The following SEC14L1 variants were observed in gnomAD, a reference collection of about 807,000 sequenced individuals.
SEC14L1 encodes the protein SEC14-like protein 1.
A neutral mutation model predicts 85.3 loss-of-function variants in SEC14L1; 48 were observed. That is an observed-to-expected ratio of 0.56 (90% CI 0.45 to 0.72). SEC14L1 has a LOEUF of 0.72. Among genes scored for constraint, SEC14L1 ranks in the 30% least tolerant of loss-of-function variants. The pLI, the probability that SEC14L1 is intolerant of heterozygous loss-of-function variation, is 0.00. For missense variants in SEC14L1, 682 were observed against 921.4 expected, an observed-to-expected ratio of 0.74 and a Z score of 3.36; for synonymous variants, 391 against 355.5, an observed-to-expected ratio of 1.10 and a Z score of -1.12.
At chr17:77,162,010 C>T (rs955740623) in intron 3 of SEC14L1, among the ~76,000 whole-genome samples, 1 of 151,510 alleles carries the variant, frequency 6.6e-6, no homozygotes, top group African/African-American at 2.4e-5. Flanking sequence ...TGCTCTGCTA[C>T]ATACAAATCC....
chr17:77,182,631 G>A lies in SEC14L1; in HGVS notation c.64-8172G>A, dbSNP rs540072275. 6.6e-5 allele frequency among the ~76,000 whole-genome samples: 10 copies of A among 152,040 alleles called. 1 individual carries two copies. Among genetic ancestry groups the A allele is most frequent in the Admixed American group, 4.6e-4 (7 of 15,274 alleles). On this transcript the variant is annotated intron_variant, in intron 3 of 16. Coordinates refer to ENST00000436233, the MANE Select transcript of SEC14L1 (RefSeq NM_001143998.2). Reference sequence around the variant, plus strand: ...ACTTACTTCTGGGAGAGTTCATTTCGTCCAGCCTTTCTTGACTGTGTGTTT... The same window carrying A: ...ACTTACTTCTGGGAGAGTTCATTTCATCCAGCCTTTCTTGACTGTGTGTTT...
rs376678106 is a variant in SEC14L1 at position 77,190,966 on chromosome 17, A to G, written c.213+14A>G. On this transcript the variant is annotated intron_variant, in intron 4 of 16. Coordinates refer to ENST00000436233, the MANE Select transcript of SEC14L1 (RefSeq NM_001143998.2). ...CTGCTGAAGAAGGTAAAGGTCGGAA[A>G]GGACGTCTTGGAGGGAAAGGGCGTC... 46 of 1,613,322 alleles carry G rather than the reference A, an allele frequency of 2.9e-5. No individual in the cohort carries two copies. The highest frequency in any genetic ancestry group is 3.6e-5 in the Non-Finnish European group (43 of 1,179,580).
At chr17:77,107,805 G>T (rs1342447058) in intron 3 of SEC14L1, among the ~76,000 whole-genome samples, 3 of 152,224 alleles carry the variant, frequency 2.0e-5, no homozygotes, top group Non-Finnish European at 4.4e-5. Context: ...TTTACTTGGA[G>T]CTTGCTGACA....
Position 77,214,506 on chromosome 17 carries a change from T to G in SEC14L1, c.*483T>G. On this transcript the variant is annotated 3_prime_UTR_variant, in exon 17 of 17. Coordinates refer to ENST00000436233, the MANE Select transcript of SEC14L1 (RefSeq NM_001143998.2). Reference sequence around the variant, plus strand: ...TCACGGCCCCCATGCTTCCCGCCAGTCAAGATGGTCTGTGGACTTAGGGCC... The same window carrying G: ...TCACGGCCCCCATGCTTCCCGCCAGGCAAGATGGTCTGTGGACTTAGGGCC... 1 of 1,000,524 alleles carries G rather than the reference T, an allele frequency of 1.0e-6. No individual in the cohort carries two copies. Among genetic ancestry groups the G allele is most frequent in the Non-Finnish European group, 1.2e-6 (1 of 838,188 alleles). The allele number at this position is 1,000,524 out of a possible 1,614,324, so 62.0% of individuals were successfully genotyped here.
chr17:77,129,954 G>A (rs1482541761), intron 3 of SEC14L1: 5 of 152,148 alleles, frequency 3.3e-5, no homozygotes, highest in Non-Finnish European at 7.3e-5. Flanking sequence ...GAAAGGGAGT[G>A]CCAAGCAGCT....
At chr17:77,119,878 A>G (rs1402087001) in intron 3 of SEC14L1, among the ~76,000 whole-genome samples, 1 of 152,232 alleles carries the variant, frequency 6.6e-6, no homozygotes, top group African/African-American at 2.4e-5. Flanking sequence ...CCAATGCCAC[A>G]GAAAAGGCAG....
intron 3 of SEC14L1, among the ~76,000 whole-genome samples, chr17:77,103,927 T>C (rs1269844271): frequency 6.6e-6 from 1 of 151,244 alleles, no homozygotes; most frequent in Non-Finnish European, 1.5e-5. Flanking sequence ...CCAGAGCCTG[T>C]GCACTCGCTG....
intron 3 of SEC14L1, among the ~76,000 whole-genome samples, chr17:77,134,604 T>C (rs1972732966): frequency 6.6e-6 from 1 of 152,252 alleles, no homozygotes; most frequent in East Asian, 1.9e-4. Context: ...TGGTGGCGCA[T>C]GCCTGTAATC....
intron 13 of SEC14L1, among the ~76,000 whole-genome samples, chr17:77,208,082 T>C (rs1976558938): frequency 1.3e-5 from 2 of 152,200 alleles, no homozygotes; most frequent in Middle Eastern, 3.2e-3. Flanking sequence ...GTTTGGAATG[T>C]GTACCCACTG....
At chr17:77,157,691 C>A (rs957120891) in intron 3 of SEC14L1, among the ~76,000 whole-genome samples, 7 of 152,134 alleles carry the variant, frequency 4.6e-5, no homozygotes, top group African/African-American at 7.2e-5. Context: ...CCATCCCCGG[C>A]TAATTTTTGT....
intron 3 of SEC14L1, among the ~76,000 whole-genome samples, chr17:77,112,079 G>C (rs1034179791): frequency 3.9e-5 from 6 of 152,174 alleles, no homozygotes; most frequent in African/African-American, 1.4e-4. Flanking sequence ...TCTCGTGTTA[G>C]TGAGTGAGTT....
At chr17:77,093,202 G>T (rs1971558860) in intron 2 of SEC14L1, 1 of 152,194 alleles carries the variant, frequency 6.6e-6, no homozygotes, top group African/African-American at 2.4e-5. Context: ...TTCAGACTTG[G>T]TAAAGTAGAA....
At chr17:77,150,813 C>G (rs1362946405) in intron 3 of SEC14L1, among the ~76,000 whole-genome samples, 2 of 152,196 alleles carry the variant, frequency 1.3e-5, no homozygotes, top group Non-Finnish European at 2.9e-5. Flanking sequence ...CCACCCGTAC[C>G]TTGCCTGAAT....
chr17:77,204,419 C>T (rs140354561), intron 10 of SEC14L1, among the ~76,000 whole-genome samples: 18 of 151,200 alleles, frequency 1.2e-4, no homozygotes, highest in Non-Finnish European at 2.5e-4. Context: ...GGGGTTTCAC[C>T]ATGTTGGTCA....
Position 77,090,669 on chromosome 17 carries a change from A to G in SEC14L1, c.-240+1398A>G, listed in dbSNP as rs144612707. On this transcript the variant is annotated intron_variant, in intron 2 of 19. Coordinates refer to the SEC14L1 transcript ENST00000392476. ...GAAGGCCTTTGTAGCCCAGAAAGCA[A>G]AGTGGAGAATGGTGGGAAATGAAGC... 1.4e-3 allele frequency among the ~76,000 whole-genome samples: 211 copies of G among 151,852 alleles called. 4 individuals are homozygous for G. The East Asian group carries it at 0.035, about 25-fold the overall frequency.
Position 77,127,111 on chromosome 17 carries a change from G to A in SEC14L1, c.-135-15535G>A, listed in dbSNP as rs151115121. Among the ~76,000 whole-genome samples the A allele has an allele frequency of 8.3e-3, 1,256 of 151,712 alleles. 18 individuals carry two copies. Among genetic ancestry groups the A allele is most frequent in the African/African-American group, 0.029 (1,187 of 41,354 alleles). ...AGTGGTTTGCTGCACCTACTGACAC[G>A]TCCTCTTAAGTTCCCTCCCCTCACC... On this transcript the variant is annotated intron_variant, in intron 3 of 19. Transcript: ENST00000392476.
chr17:77,202,674 G>T (rs774591778), intron 9 of SEC14L1, among the ~76,000 whole-genome samples: 1 of 151,880 alleles, frequency 6.6e-6, no homozygotes, highest in Non-Finnish European at 1.5e-5. Context: ...AATCCTAGAA[G>T]TTTGGGAGGC....
chr17:77,174,582 G>A (rs1437360434), intron 3 of SEC14L1, among the ~76,000 whole-genome samples: 1 of 152,096 alleles, frequency 6.6e-6, no homozygotes, highest in East Asian at 1.9e-4. Context: ...TTTCTCCCGC[G>A]TTGCTAAGCG....
chr17:77,176,517 T>G (rs1452173837), intron 3 of SEC14L1, among the ~76,000 whole-genome samples: 1 of 152,224 alleles, frequency 6.6e-6, no homozygotes, highest in Middle Eastern at 3.2e-3. Flanking sequence ...TTGTTAAAAT[T>G]GATGAACTAA....
Sources: gnomAD v4.1 joint callset for allele counts (sites outside exome capture counted in the v4.1 genomes callset) on GRCh38, gnomAD v4.1.1 for gene constraint, MANE v1.5 for transcripts, NCBI Gene and HGNC (gene_info 2026-07-23, HGNC 2026-07-21) for gene names.